The following DTWD2 variants were observed in gnomAD, a reference collection of about 807,000 sequenced individuals.
DTWD2 encodes tRNA-uridine aminocarboxypropyltransferase 2.
A neutral mutation model predicts 31.8 loss-of-function variants in DTWD2; 39 were observed. The observed-to-expected ratio is 1.22, with a 90% CI of 0.95 to 1.60. The LOEUF (loss-of-function observed/expected upper bound fraction) is 1.60. DTWD2 is among the 40% of genes most tolerant of loss of function. The pLI is 0.00. For synonymous variants in DTWD2, 180 were observed against 142.8 expected (o/e 1.26, Z -1.86); for missense variants, 515 against 381.5 (o/e 1.35, Z -2.92).
At chr5:118,858,990 A>C (rs561229213) in intron 4 of DTWD2, among the ~76,000 whole-genome samples, 10 of 152,310 alleles carry the variant, frequency 6.6e-5, no homozygotes, top group Admixed American at 3.3e-4. Flanking sequence ...TATGAAGTAC[A>C]TAATGTCTGG....
chr5:118,943,863 A>G (rs1306280326), intron 2 of DTWD2, among the ~76,000 whole-genome samples: 1 of 152,258 alleles, frequency 6.6e-6, no homozygotes, highest in Non-Finnish European at 1.5e-5. Context: ...TCCTTCTTAG[A>G]AAGCTTGACT....
intron 4 of DTWD2, among the ~76,000 whole-genome samples, chr5:118,879,780 C>A (rs1161816071): frequency 6.6e-6 from 1 of 151,910 alleles, no homozygotes; most frequent in African/African-American, 2.4e-5. Context: ...TAGAGGGAAA[C>A]AACACACATT....
In DTWD2 at chr5:118,953,261, C is replaced by T. The variant is rs140521228; in HGVS notation, c.219-8612G>A. Among the ~76,000 whole-genome samples, 5 of 152,342 alleles carry T rather than the reference C, an allele frequency of 3.3e-5. No homozygotes were observed. The East Asian group carries it at 5.8e-4, about 18-fold the overall frequency. Reference sequence around the variant, plus strand: ...ATGTGCAAGGCTCTAGAGGTGTCCACACCAGTGGGTTTTATTTTTCAAGTG... The same window carrying T: ...ATGTGCAAGGCTCTAGAGGTGTCCATACCAGTGGGTTTTATTTTTCAAGTG... On this transcript the variant is annotated intron_variant, in intron 1 of 5. Transcript: ENST00000510708.
intron 1 of DTWD2, among the ~76,000 whole-genome samples, chr5:118,976,088 C>T (rs1055201156): frequency 2.6e-5 from 4 of 152,296 alleles, no homozygotes; most frequent in Non-Finnish European, 5.9e-5. Context: ...TCCTGAATGA[C>T]TACTGGGTAA....
At chr5:118,913,244 A>T (rs376895225) in intron 4 of DTWD2, among the ~76,000 whole-genome samples, 1 of 151,908 alleles carries the variant, frequency 6.6e-6, no homozygotes, top group Non-Finnish European at 1.5e-5. Context: ...GGGAAGGGTG[A>T]AAGTACTCCA....
chr5:118,898,497 A>G (rs866919818), intron 4 of DTWD2, among the ~76,000 whole-genome samples: 3 of 139,228 alleles, frequency 2.2e-5, no homozygotes, highest in South Asian at 2.3e-4. Context: ...GTCGCTACTG[A>G]AAAAAAAAAA....
chr5:118,965,110 G>GCTGACTGAGAACGGGCCATGATGAT (rs1561474094), intron 1 of DTWD2, among the ~76,000 whole-genome samples: 1 of 148,702 alleles, frequency 6.7e-6, no homozygotes, highest in Non-Finnish European at 1.5e-5. Context: ...TGGGAGGTGA[G>GCTGACTGAGAACGGGCCATGATGAT]GAGCGTCTCT....
At chr5:118,842,797 A>T (rs953189912) in intron 5 of DTWD2, among the ~76,000 whole-genome samples, 1 of 151,126 alleles carries the variant, frequency 6.6e-6, no homozygotes, top group African/African-American at 2.4e-5. Context: ...AATAGAAAAA[A>T]TTAGCCAGAC....
intron 3 of DTWD2, among the ~76,000 whole-genome samples, chr5:118,937,349 C>T (rs1754065364): frequency 6.8e-6 from 1 of 146,922 alleles, no homozygotes; most frequent in Non-Finnish European, 1.5e-5. Flanking sequence ...TACTTGAAAA[C>T]AGCCATGAAG....
intron 4 of DTWD2, among the ~76,000 whole-genome samples, chr5:118,859,867 C>T (rs1447947274): frequency 6.6e-6 from 1 of 152,182 alleles, no homozygotes; most frequent in Admixed American, 6.6e-5. Flanking sequence ...CTTGTAATCT[C>T]ACCACTTTGG....
intron 1 of DTWD2, among the ~76,000 whole-genome samples, chr5:118,968,729 A>C (rs1235619999): frequency 6.6e-6 from 1 of 152,204 alleles, no homozygotes; most frequent in Non-Finnish European, 1.5e-5. Flanking sequence ...AGACCCAGGA[A>C]TTTTGCATAC....
At chr5:118,861,678 G>C (rs1440598232) in intron 4 of DTWD2, among the ~76,000 whole-genome samples, 1 of 152,152 alleles carries the variant, frequency 6.6e-6, no homozygotes, top group Non-Finnish European at 1.5e-5. Flanking sequence ...ACCTAGAAAA[G>C]AGACTGGGAT....
chr5:118,882,565 C>T lies in DTWD2; in HGVS notation c.598-34347G>A, dbSNP rs73236978. On this transcript the variant is annotated intron_variant, in intron 4 of 5. Coordinates refer to ENST00000510708, the MANE Select transcript of DTWD2 (RefSeq NM_173666.4). ...AGGGCTCTGCACCTGCAGCAGACTT[C>T]TGCCTGTACATCCAGTCGTTTCCAT... Among the ~76,000 whole-genome samples the T allele has an allele frequency of 1.5e-3, 233 of 152,386 alleles. 1 individual carries two copies. The highest frequency in any genetic ancestry group is 5.1e-3 in the African/African-American group (211 of 41,588).
At position 118,836,173 on chromosome 5, in the gene DTWD2, C is replaced by G. The variant is rs115469072; in HGVS notation, c.*4744G>C. ...TTATTCGAATAATTTTTTTAAAAAA[C>G]CTTACATTAAAAAGTTTCTTTTAAA... On this transcript the variant is annotated 3_prime_UTR_variant, in exon 6 of 6. Transcript: ENST00000510708. Among the ~76,000 whole-genome samples the G allele has an allele frequency of 2.6e-5, 4 of 151,874 alleles. No individual in the cohort carries two copies. Among genetic ancestry groups the G allele is most frequent in the African/African-American group, 9.7e-5 (4 of 41,348 alleles).
chr5:118,928,789 T>A, intron 3 of DTWD2, 60 bp from the exon 4 acceptor site: 2 of 1,329,644 alleles, frequency 1.5e-6, no homozygotes, highest in African/African-American at 1.5e-5. Context: ...GGTTTTATTA[T>A]GCTTACTGAA....
At chr5:118,965,228 G>A (rs957140919) in intron 1 of DTWD2, among the ~76,000 whole-genome samples, 1 of 151,930 alleles carries the variant, frequency 6.6e-6, no homozygotes, top group African/African-American at 2.4e-5. Flanking sequence ...GGGAAGTGAG[G>A]AGCATCTCCG....
At chr5:118,867,119 T>C (rs1001572094) in intron 4 of DTWD2, among the ~76,000 whole-genome samples, 2 of 151,906 alleles carry the variant, frequency 1.3e-5, no homozygotes, top group Non-Finnish European at 2.9e-5. Context: ...CATTAAAAAC[T>C]TACAGTTAAA....
intron 2 of DTWD2, among the ~76,000 whole-genome samples, chr5:118,940,409 G>C (rs966631151): frequency 2.6e-5 from 4 of 152,076 alleles, no homozygotes; most frequent in African/African-American, 9.7e-5. Flanking sequence ...AAATTAAATA[G>C]TGCCATAAGA....
chr5:118,912,668 T>C (rs1753484153), intron 4 of DTWD2, among the ~76,000 whole-genome samples: 1 of 152,228 alleles, frequency 6.6e-6, no homozygotes, highest in African/African-American at 2.4e-5. Flanking sequence ...CCTTCTCTTC[T>C]CCAGGTATTC....
Sources: gnomAD v4.1 joint callset for allele counts (sites outside exome capture counted in the v4.1 genomes callset) on GRCh38, gnomAD v4.1.1 for gene constraint, MANE v1.5 for transcripts, NCBI Gene and HGNC (gene_info 2026-07-23, HGNC 2026-07-21) for gene names.